The following ATAD3B variants were observed in gnomAD, a reference collection of about 807,000 sequenced individuals.
The protein encoded by ATAD3B is ATPase family AAA domain containing 3B.
Under a neutral mutation model 70.2 loss-of-function variants are expected in ATAD3B, and 59 were observed. The observed-to-expected ratio is 0.84, with a 90% CI of 0.68 to 1.04. ATAD3B has a LOEUF of 1.04. Ranked by LOEUF, ATAD3B falls within the 50% of genes least tolerant of loss-of-function variation. The pLI, the probability that ATAD3B is intolerant of heterozygous loss-of-function variation, is 0.00. For missense variants in ATAD3B, 961 were observed against 913.4 expected, an observed-to-expected ratio of 1.05 and a Z score of -0.67; for synonymous variants, 423 against 388.6, an observed-to-expected ratio of 1.09 and a Z score of -1.04.
rs1640491216 is a variant in ATAD3B at position 1,490,616 on chromosome 1, G to A, written c.1559G>A (p.Arg520Gln). Residue 520 changes from arginine (R) to glutamine (Q), a missense_variant, in exon 15 of 16, where the codon CGG (arginine) becomes CAG (glutamine). Arg to Gln is a conservative substitution (Grantham distance 43). This residue lies in a region of ATAD3B where 417 missense variants were observed against 335.0 expected (regional missense o/e 1.24). Transcript: ENST00000673477. ...DYGRKCSEVA[R>Q]LTEGMSGREI... Reference sequence around the variant, plus strand: ...GGGAGGAAGTGCTCGGAGGTCGCTCGGCTGACGGAGGGCATGTCGGGCCGG... The same window carrying A: ...GGGAGGAAGTGCTCGGAGGTCGCTCAGCTGACGGAGGGCATGTCGGGCCGG... The A allele has an allele frequency of 6.2e-6, 10 of 1,608,200 alleles. No homozygotes were observed. Among genetic ancestry groups the A allele is most frequent in the Admixed American group, 3.4e-5 (2 of 58,838 alleles).
At chr1:1,503,932 C>A in the ATAD3B span, among the ~76,000 whole-genome samples, 9 of 152,068 alleles carry the variant, frequency 5.9e-5, no homozygotes, top group Non-Finnish European at 1.0e-4. Flanking sequence ...CACCTCATTT[C>A]TTTTCACTCA....
intron 4 of ATAD3B, among the ~76,000 whole-genome samples, chr1:1,479,720 C>A (rs1477763267): frequency 6.9e-6 from 1 of 145,612 alleles, no homozygotes; most frequent in African/African-American, 2.6e-5. Context: ...GCACGCACCT[C>A]CCACACACAC....
chr1:1,489,146 TCTGG>T lies in ATAD3B; in HGVS notation c.1267-54_1267-51del, dbSNP rs1259249494. 11 of 1,610,586 alleles carry T rather than the reference TCTGG, an allele frequency of 6.8e-6. No homozygotes were observed. The African/African-American group carries it at 9.3e-5, about 14-fold the overall frequency. ...GAGGGAGGCCTGTGGGACTTTCTGC[TCTGG>T]CTGTTTACAAGGCTTTGCTTCTGGT... is the stretch of plus-strand genomic sequence containing the variant. On this transcript the variant is annotated intron_variant, in intron 12 of 15. Coordinates refer to ENST00000673477, the MANE Select transcript of ATAD3B (RefSeq NM_031921.6).
At chr1:1,503,029 CCTGG>C in the ATAD3B span, among the ~76,000 whole-genome samples, 2 of 150,966 alleles carry the variant, frequency 1.3e-5, no homozygotes, top group Non-Finnish European at 3.0e-5. Flanking sequence ...TCGAGACCAT[CCTGG>C]CTAACAGGGT....
intron 1 of ATAD3B, among the ~76,000 whole-genome samples, chr1:1,476,200 G>C (rs34280239): frequency 6.8e-6 from 1 of 148,014 alleles, no homozygotes; most frequent in Non-Finnish European, 1.5e-5. Context: ...GAAATGTGAC[G>C]CTGATGCCCG....
At chr1:1,509,065 G>A in the ATAD3B span, 9 of 1,404,956 alleles carry the variant, frequency 6.4e-6, no homozygotes, top group South Asian at 2.9e-5. Flanking sequence ...GGGCTCTGCC[G>A]AGGTGCGGGA....
the ATAD3B span, among the ~76,000 whole-genome samples, chr1:1,503,016 A>C: frequency 1.5e-3 from 233 of 151,136 alleles, 1 homozygote; most frequent in African/African-American, 5.3e-3. Flanking sequence ...CGAGGTCAGG[A>C]GATCGAGACC....
At position 1,495,647 on chromosome 1, in the gene ATAD3B, C is replaced by T. The variant is rs746906771; in HGVS notation, c.1777C>T (p.Leu593Phe). Residue 593 changes from leucine (L) to phenylalanine (F), a missense_variant, in exon 16 of 16, where the codon CTC (leucine) becomes TTC (phenylalanine). Transcript: ENST00000673477. ...CCTATCCGGAGTCCAAGGCGAGACC[C>T]TCACCTCATGGAGCCTGGCCACGGA... The part of the protein sequence containing the change: ...HPLSGVQGET[L>F]TSWSLATDPS... 1 of 1,612,850 alleles carries T rather than the reference C, an allele frequency of 6.2e-7. No homozygotes were observed. Among genetic ancestry groups the T allele is most frequent in the East Asian group, 2.2e-5 (1 of 44,856 alleles).
At chr1:1,492,229 G>C (rs1405254713) in intron 15 of ATAD3B, among the ~76,000 whole-genome samples, 1 of 151,964 alleles carries the variant, frequency 6.6e-6, no homozygotes, top group Non-Finnish European at 1.5e-5. Flanking sequence ...GCTCACTCCT[G>C]TAATCCCAGC....
At chr1:1,500,274 C>T (rs571662370), downstream of ATAD3B, among the ~76,000 whole-genome samples, 8 of 141,140 alleles carry the variant, frequency 5.7e-5, no homozygotes, top group East Asian at 1.7e-3. Context: ...CCTTTGTGGC[C>T]GGGTGCGGTG....
chr1:1,508,347 T>C, the ATAD3B span, among the ~76,000 whole-genome samples: 11 of 151,096 alleles, frequency 7.3e-5, 1 homozygote, highest in African/African-American at 2.7e-4. Flanking sequence ...CCATGGCAGG[T>C]TCTATCGTGG....
In ATAD3B at chr1:1,486,673, G is replaced by A; in HGVS notation, c.1214+5G>A. On this transcript the variant is annotated splice_donor_5th_base_variant and intron_variant, in intron 11 of 15. Transcript: ENST00000673477. Reference sequence around the variant, plus strand: ...GGCCAATACCAGCCGGCGCGGGTGAGACGTCCCCACAGCATGCACCAGGCC... The same window carrying A: ...GGCCAATACCAGCCGGCGCGGGTGAAACGTCCCCACAGCATGCACCAGGCC... 2 of 1,594,348 alleles carry A rather than the reference G, an allele frequency of 1.3e-6. No homozygotes were observed. Among genetic ancestry groups the A allele is most frequent in the Non-Finnish European group, 1.7e-6 (2 of 1,169,448 alleles).
At chr1:1,477,503 G>C (rs2100530398) in intron 2 of ATAD3B, among the ~76,000 whole-genome samples, 153 bp downstream of exon 2, 1 of 151,970 alleles carries the variant, frequency 6.6e-6, no homozygotes, top group East Asian at 1.9e-4. Flanking sequence ...TTCACAGAGG[G>C]AAACAAGGGG....
chr1:1,493,842 C>T lies in ATAD3B; in HGVS notation c.1615-1643C>T, dbSNP rs543170936. On this transcript the variant is annotated intron_variant, in intron 15 of 15. Transcript: ENST00000673477. Reference sequence around the variant, plus strand: ...CGTTTTGCTGGCATTTTGTTGAGGACTTTCCCAGTGAGGCTCATCAGGGAT... The same window carrying T: ...CGTTTTGCTGGCATTTTGTTGAGGATTTTCCCAGTGAGGCTCATCAGGGAT... 1.9e-3 allele frequency among the ~76,000 whole-genome samples: 284 copies of T among 152,012 alleles called. 5 individuals are homozygous for T. Among genetic ancestry groups the T allele is most frequent in the Middle Eastern group, 3.4e-3 (1 of 294 alleles).
At chr1:1,507,908 C>T in the ATAD3B span, among the ~76,000 whole-genome samples, 1 of 152,222 alleles carries the variant, frequency 6.6e-6, no homozygotes, top group Admixed American at 6.5e-5. Flanking sequence ...TGGTGAACGT[C>T]ATGTGTCACT....
rs779902355 is a variant in ATAD3B, at chr1:1,486,572, A to G, written c.1118A>G (p.Tyr373Cys). The change falls in exon 11 of 16, where the codon TAC becomes TGC. Residue 373 changes from tyrosine (Y) to cysteine (C), a missense_variant. Around this residue, in one of 4 missense-constraint regions of ATAD3B, gnomAD observed 349 missense variants for 307.5 expected, o/e 1.14. Coordinates refer to ENST00000673477, the MANE Select transcript of ATAD3B (RefSeq NM_031921.6). ...CTCGCCCTGCACTCAGGCATGGACT[A>G]CGCCATCATGACAGGCGGGGACGTG... ...KKLALHSGMD[Y>C]AIMTGGDVAP... 155 of 1,611,690 alleles carry G rather than the reference A, an allele frequency of 9.6e-5. 1 individual carries two copies. The highest frequency in any genetic ancestry group is 3.1e-4 in the African/African-American group (23 of 73,772).
Position 1,496,262 on chromosome 1 carries a change from C to G in ATAD3B, c.*445C>G. 1.0e-6 allele frequency: 1 copy of G among 991,526 alleles called. No homozygotes were observed. Among genetic ancestry groups the G allele is most frequent in the South Asian group, 4.7e-5 (1 of 21,498 alleles). The allele number at this position is 991,526 out of a possible 1,614,324, so 61.4% of individuals were successfully genotyped here. The stretch of plus-strand genomic sequence containing the variant: ...GGTTTCAGGGGCGCCCTAGCGTCCT[C>G]CTGGGGTCAAAGGTGACATAAGAGG... On this transcript the variant is annotated 3_prime_UTR_variant, in exon 16 of 16. Transcript: ENST00000673477.
rs759342406 is a variant in ATAD3B, at chr1:1,490,435, C to T, written c.1505+11C>T. On this transcript the variant is annotated intron_variant, in intron 14 of 15. Coordinates refer to ENST00000673477, the MANE Select transcript of ATAD3B (RefSeq NM_031921.6). ...CACAGAAGGAAAACGGTGAGTGTCC[C>T]GCCTCACCCGGCCCCCAATCCAGGC... is the stretch of plus-strand genomic sequence containing the variant. The T allele has an allele frequency of 5.3e-5, 86 of 1,612,808 alleles. 1 individual carries two copies. Among genetic ancestry groups the T allele is most frequent in the African/African-American group, 9.3e-5 (7 of 74,928 alleles).
the ATAD3B span, among the ~76,000 whole-genome samples, chr1:1,504,297 G>A: frequency 6.6e-6 from 1 of 152,054 alleles, no homozygotes; most frequent in Non-Finnish European, 1.5e-5. Flanking sequence ...CTCACTTTCA[G>A]TCCTGAGTTC....
Sources: allele counts gnomAD v4.1 joint callset (sites outside exome capture counted in the v4.1 genomes callset), GRCh38; gene constraint gnomAD v4.1.1; regional missense constraint gnomAD v4.1.1; transcripts MANE v1.5; gene names NCBI Gene and HGNC (gene_info 2026-07-23, HGNC 2026-07-21).